The following BTBD8 variants were observed in gnomAD, a reference collection of about 807,000 sequenced individuals.
BTBD8 encodes the protein BTB/POZ domain-containing protein 8.
A neutral mutation model predicts 162.9 loss-of-function variants in BTBD8; 110 were observed. The ratio of observed to expected loss-of-function variants is 0.68; its 90% CI spans 0.58 to 0.79. The LOEUF (loss-of-function observed/expected upper bound fraction) is 0.79, where lower values mean the gene tolerates loss of function less well. Among genes scored for constraint, BTBD8 ranks in the 30% least tolerant of loss-of-function variants. The probability of loss-of-function intolerance (pLI) is 0.00; values close to 1 mark genes in which losing one functional copy is unlikely to be tolerated. For missense variants in BTBD8, 1,905 were observed against 2,085.4 expected (o/e 0.91, Z 1.68); for synonymous variants, 667 against 716.1 (o/e 0.93, Z 1.10).
intron 4 of BTBD8, among the ~76,000 whole-genome samples, chr1:92,117,646 G>A (rs751378950): frequency 1.1e-4 from 16 of 152,076 alleles, no homozygotes; most frequent in Non-Finnish European, 1.9e-4. Context: ...AAGGGAGGGA[G>A]TATCTACTCT....
At chr1:92,123,284 C>T (rs1241595084) in intron 4 of BTBD8, among the ~76,000 whole-genome samples, 2 of 152,200 alleles carry the variant, frequency 1.3e-5, no homozygotes, top group African/African-American at 2.4e-5. Flanking sequence ...CCTGAAATCA[C>T]GTTTTCCACC....
intron 2 of BTBD8, among the ~76,000 whole-genome samples, chr1:92,096,845 T>C (rs899235541): frequency 6.6e-6 from 1 of 152,180 alleles, no homozygotes; most frequent in African/African-American, 2.4e-5. Context: ...GCCAATCACC[T>C]ATATTTCCCT....
rs538224472 is a variant in BTBD8 at position 92,104,663 on chromosome 1, C to G, written c.544+1994C>G. Reference sequence around the variant, plus strand: ...TCACTCCATGGAAAATCCCCACATTCACCAGTAACCTGCCAGTTGCCAGCT... The same window carrying G: ...TCACTCCATGGAAAATCCCCACATTGACCAGTAACCTGCCAGTTGCCAGCT... On this transcript the variant is annotated intron_variant, in intron 3 of 17. Transcript: ENST00000636805. Among the ~76,000 whole-genome samples, 231 of 152,308 alleles carry G rather than the reference C, an allele frequency of 1.5e-3. 1 individual carries two copies. The highest frequency in any genetic ancestry group is 5.3e-3 in the African/African-American group (222 of 41,560).
chr1:92,094,994 CTTG>C (rs1648408937), intron 2 of BTBD8, among the ~76,000 whole-genome samples: 3 of 152,158 alleles, frequency 2.0e-5, no homozygotes, highest in South Asian at 4.1e-4. Context: ...AAGTGTCTTC[CTTG>C]TTGTATTTTC....
At position 92,108,007 on chromosome 1, in the gene BTBD8, T is replaced by G. The variant is rs139440509; in HGVS notation, c.662+6T>G. On this transcript the variant is annotated splice_donor_region_variant and intron_variant, in intron 4 of 17. Coordinates refer to ENST00000636805, the MANE Select transcript of BTBD8 (RefSeq NM_001376131.1). ...AAACGTTTTAAAGCTCACAGGTAAA[T>G]AGACACGACTGATTTGCTGTCTTGG... is the stretch of plus-strand genomic sequence containing the variant. 117 of 1,601,622 alleles carry G rather than the reference T, an allele frequency of 7.3e-5. No homozygotes were observed. The African/African-American group carries it at 1.3e-3, about 18-fold the overall frequency.
chr1:92,128,246 A>G (rs915801393), intron 4 of BTBD8, among the ~76,000 whole-genome samples: 17 of 149,740 alleles, frequency 1.1e-4, no homozygotes, highest in Admixed American at 6.6e-4. Flanking sequence ...CCTCCCGAGT[A>G]GTTGGGATTA....
chr1:92,174,246 A>T (rs930853440), intron 13 of BTBD8, among the ~76,000 whole-genome samples: 11 of 152,148 alleles, frequency 7.2e-5, no homozygotes, highest in Non-Finnish European at 1.3e-4. Flanking sequence ...GCTGGAGTGG[A>T]GTGACACAAT....
intron 4 of BTBD8, among the ~76,000 whole-genome samples, chr1:92,129,186 C>T (rs1319283574): frequency 2.0e-5 from 3 of 151,770 alleles, no homozygotes; most frequent in African/African-American, 7.3e-5. Flanking sequence ...AAAAAGACAG[C>T]AAGGGCATTG....
Position 92,167,959 on chromosome 1 carries a change from C to T in BTBD8, c.1417C>T (p.Leu473=). The T allele has an allele frequency of 6.5e-7, 1 of 1,548,276 alleles. No individual in the cohort carries two copies. The highest frequency in any genetic ancestry group is 8.7e-7 in the Non-Finnish European group (1 of 1,144,880). The change falls in exon 11 of 18, where the codon CTG becomes TTG. Residue 473 remains leucine (L), a synonymous_variant. Transcript: ENST00000636805. ...TCTTCTTATGGCTCTGGACACACTG[C>T]TGAACTCTGACAGTACAAAGGAAAT... ...CSLLMALDTL[L]NSDSTKEMGF... is the part of the protein sequence containing the mutation.
intron 4 of BTBD8, among the ~76,000 whole-genome samples, chr1:92,117,703 C>A (rs917444729): frequency 3.9e-5 from 6 of 152,006 alleles, no homozygotes; most frequent in Non-Finnish European, 8.8e-5. Context: ...TACTGCACCT[C>A]ACAAATTTCA....
At chr1:92,109,050 C>T (rs1298968016) in intron 4 of BTBD8, among the ~76,000 whole-genome samples, 2 of 152,150 alleles carry the variant, frequency 1.3e-5, no homozygotes, top group Non-Finnish European at 2.9e-5. Context: ...TAGCTATTTA[C>T]TATTCAAAAT....
intron 7 of BTBD8, among the ~76,000 whole-genome samples, chr1:92,143,896 T>G (rs1394312186): frequency 2.6e-5 from 4 of 151,604 alleles, no homozygotes; most frequent in Non-Finnish European, 4.4e-5. Flanking sequence ...TCCTTAAAAT[T>G]TTTGCTTTAT....
chr1:92,176,723 G>A, intron 13 of BTBD8, 106 bp from the exon 14 acceptor site: 1 of 575,452 alleles, frequency 1.7e-6, no homozygotes, highest in Non-Finnish European at 2.8e-6. Flanking sequence ...ATCATAATAT[G>A]AACTTTTCTA....
Position 92,141,170 on chromosome 1 carries a change from A to G in BTBD8, c.889A>G (p.Ile297Val). ...ACTAGAAGGATTAAAAGAAGTAGCA[A>G]TCTATATTTTAAGAAGAGATTACTG... ...YGLEGLKEVA[I>V]YILRRDYCNF... Residue 297 changes from isoleucine (I) to valine (V), a missense_variant, in exon 7 of 18, where the codon ATC becomes GTC. Coordinates refer to ENST00000636805, the MANE Select transcript of BTBD8 (RefSeq NM_001376131.1). The G allele has an allele frequency of 1.9e-6, 3 of 1,584,362 alleles. No individual in the cohort carries two copies. Among genetic ancestry groups the G allele is most frequent in the Non-Finnish European group, 2.6e-6 (3 of 1,163,364 alleles).
chr1:92,171,811 C>G (rs889569424), intron 13 of BTBD8, among the ~76,000 whole-genome samples: 5 of 152,212 alleles, frequency 3.3e-5, no homozygotes, highest in African/African-American at 1.2e-4. Context: ...AGATTTTAGG[C>G]TAGGCATGGT....
chr1:92,113,646 A>AGACAAGTTCTTCCTGCGC (rs1648958030), intron 4 of BTBD8, among the ~76,000 whole-genome samples: 1 of 150,708 alleles, frequency 6.6e-6, no homozygotes, highest in African/African-American at 2.5e-5. Flanking sequence ...TTCTGGTGAG[A>AGACAAGTTCTTCCTGCGC]TGACCTTGTG....
At chr1:92,141,547 T>C (rs536987724) in intron 7 of BTBD8, among the ~76,000 whole-genome samples, 5 of 152,322 alleles carry the variant, frequency 3.3e-5, no homozygotes, top group Admixed American at 1.3e-4. Context: ...CACAGTGCTT[T>C]ATTTGTTCTT....
At chr1:92,114,514 CATA>C (rs1328127293) in intron 4 of BTBD8, among the ~76,000 whole-genome samples, 1 of 152,092 alleles carries the variant, frequency 6.6e-6, no homozygotes, top group Non-Finnish European at 1.5e-5. Flanking sequence ...CGGCAGCACA[CATA>C]ATTTTTTTTA....
Position 92,139,312 on chromosome 1 carries a change from A to C in BTBD8, c.753-38A>C, listed in dbSNP as rs762951823. ...AGAATGAATCATTGATATCAGTTAAACCTTAATTCTGGATTTGAGTTTTCT... is the reference window on the plus strand; with the variant it reads ...AGAATGAATCATTGATATCAGTTAACCCTTAATTCTGGATTTGAGTTTTCT... On this transcript the variant is annotated intron_variant, in intron 5 of 17. Transcript: ENST00000636805. 21 of 1,539,364 alleles carry C rather than the reference A, an allele frequency of 1.4e-5. 1 individual carries two copies. The South Asian group carries it at 1.9e-4, about 14-fold the overall frequency.
Sources: gnomAD v4.1 joint callset for allele counts (sites outside exome capture counted in the v4.1 genomes callset) on GRCh38, gnomAD v4.1.1 for gene constraint, MANE v1.5 for transcripts, NCBI Gene and HGNC (gene_info 2026-07-23, HGNC 2026-07-21) for gene names.